ZDHHC11: variants seen among roughly 807,000 people sequenced by gnomAD.
ZDHHC11 encodes zDHHC palmitoyltransferase 11.
A neutral mutation model predicts 51.3 loss-of-function variants in ZDHHC11; 44 were observed. That is an observed-to-expected ratio of 0.86 (90% CI 0.67 to 1.10). The LOEUF is 1.10. Ranked by LOEUF, ZDHHC11 falls within the 50% of genes least tolerant of loss-of-function variation. ZDHHC11 has a pLI of 0.00. For synonymous variants in ZDHHC11, 163 were observed against 222.0 expected, an observed-to-expected ratio of 0.73 and a Z score of 2.36; for missense variants, 400 against 537.7, an observed-to-expected ratio of 0.74 and a Z score of 2.53.
intron 4 of ZDHHC11, chr5:842,077 G>A (rs1421739392): frequency 2.0e-6 from 2 of 986,514 alleles, no homozygotes; most frequent in African/African-American, 1.7e-5. Context: ...TGGTTTTGAA[G>A]CCCTGCAGAA....
intron 10 of ZDHHC11, chr5:816,369 G>A (rs982805870): frequency 9.8e-5 from 38 of 387,204 alleles, no homozygotes; most frequent in Admixed American, 6.0e-4. Context: ...CTGCACGGGC[G>A]GGAGGGGGGC....
chr5:814,883 G>C (rs1740574342), intron 10 of ZDHHC11, 88 bp from the exon 11 acceptor site: 7 of 1,303,850 alleles, frequency 5.4e-6, no homozygotes, highest in East Asian at 2.6e-5. Flanking sequence ...TTCATTACTA[G>C]TCAGTTCTGA....
chr5:854,823 C>A (rs1286935617), upstream of ZDHHC11, among the ~76,000 whole-genome samples: 2 of 127,142 alleles, frequency 1.6e-5, no homozygotes, highest in African/African-American at 3.1e-5. Context: ...CAGAGGACAG[C>A]GAGCCGGGGG....
Position 850,510 on chromosome 5 carries a change from C to T in ZDHHC11, c.93G>A (p.Val31=). The T allele has an allele frequency of 6.2e-7, 1 of 1,613,760 alleles. No homozygotes were observed. The highest frequency in any genetic ancestry group is 8.5e-7 in the Non-Finnish European group (1 of 1,180,032). ...AGTGCAGGGGTAACGACCAGCCGTT[C>T]ACTCTGGAGATGCGGGGCGGCAAGA... ...KLVLPPRISR[V]NGWSLPLHYF... is the part of the protein sequence containing the mutation. The change falls in exon 1 of 13, where the codon GTG becomes GTA. Residue 31 remains valine, a synonymous_variant. Coordinates refer to ENST00000283441, the MANE Select transcript of ZDHHC11 (RefSeq NM_024786.3).
chr5:816,397 TG>T (rs1740801993), intron 10 of ZDHHC11: 1 of 350,466 alleles, frequency 2.9e-6, no homozygotes, highest in South Asian at 2.0e-5. Context: ...CAGGCGGTGG[TG>T]GGGTTGGCGG....
chr5:850,892 C>A lies in ZDHHC11; in HGVS notation c.-290G>T, dbSNP rs902058276. 4.4e-6 allele frequency: 2 copies of A among 456,682 alleles called. No homozygotes were observed. Among genetic ancestry groups the A allele is most frequent in the Non-Finnish European group, 7.4e-6 (2 of 272,036 alleles). 28.3% of individuals were successfully genotyped at this position (456,682 alleles called of 1,614,324 possible). A position where few individuals can be genotyped will look rare whatever the true frequency, so the allele number is the denominator to read the frequency against. ...CTCCAGGGTGTGGAGGACCCAGTGC[C>A]CGCGCGACCGCCCATCAGTTCCCCT... On this transcript the variant is annotated 5_prime_UTR_variant, in exon 1 of 13. Coordinates refer to ENST00000283441, the MANE Select transcript of ZDHHC11 (RefSeq NM_024786.3).
intron 9 of ZDHHC11, among the ~76,000 whole-genome samples, chr5:820,025 C>G (rs1741365496): frequency 6.6e-6 from 1 of 151,286 alleles, no homozygotes; most frequent in Admixed American, 6.6e-5. Context: ...TCATTTTTAC[C>G]TGGAAATCCT....
In ZDHHC11 at chr5:825,243, G is replaced by A. The variant is rs763122947; in HGVS notation, c.944C>T (p.Ala315Val). The A allele has an allele frequency of 6.8e-6, 11 of 1,612,574 alleles. No homozygotes were observed. In the Admixed American group the frequency reaches 1.7e-4, roughly 24 times the overall value. The change falls in exon 8 of 13, where the codon GCC becomes GTC. Residue 315 changes from alanine (A) to valine (V), a missense_variant. By Grantham distance (64) the Ala-to-Val change is moderately conservative. Coordinates refer to ENST00000283441, the MANE Select transcript of ZDHHC11 (RefSeq NM_024786.3). ...ALGSSAQGVK[A>V]KSSLLIHKHL... ...CTTGTGAATCAGCAGGGAGCTCTTG[G>A]CTTTGACTCTGGTGGGACAGAAAGG... is the stretch of plus-strand genomic sequence containing the variant.
intron 1 of ZDHHC11, among the ~76,000 whole-genome samples, chr5:856,127 G>A (rs573950095): frequency 7.6e-4 from 116 of 152,132 alleles, no homozygotes; most frequent in African/African-American, 2.7e-3. Context: ...CTGTAAGCAC[G>A]TTCATATACC....
In ZDHHC11 at chr5:850,897, C is replaced by T. The variant is rs183785688; in HGVS notation, c.-295G>A. 9.6e-5 allele frequency: 43 copies of T among 447,206 alleles called. No individual in the cohort carries two copies. Among genetic ancestry groups the T allele is most frequent in the East Asian group, 3.4e-4 (10 of 29,200 alleles). 27.7% of individuals were successfully genotyped at this position (447,206 alleles called of 1,614,324 possible). On this transcript the variant is annotated 5_prime_UTR_variant, in exon 1 of 13. Coordinates refer to ENST00000283441, the MANE Select transcript of ZDHHC11 (RefSeq NM_024786.3). Reference sequence around the variant, plus strand: ...GGGTGTGGAGGACCCAGTGCCCGCGCGACCGCCCATCAGTTCCCCTGAGGA... The same window carrying T: ...GGGTGTGGAGGACCCAGTGCCCGCGTGACCGCCCATCAGTTCCCCTGAGGA...
At chr5:803,984 C>T (rs1028325572) in intron 11 of ZDHHC11, among the ~76,000 whole-genome samples, 2 of 149,024 alleles carry the variant, frequency 1.3e-5, no homozygotes, top group African/African-American at 4.9e-5. Context: ...GGAAGATGAA[C>T]AGAGCTTGAA....
At chr5:802,363 A>T (rs1225539742) in intron 11 of ZDHHC11, among the ~76,000 whole-genome samples, 12 of 151,414 alleles carry the variant, frequency 7.9e-5, no homozygotes, top group Non-Finnish European at 1.0e-4. Context: ...TCCAAAAATT[A>T]CTGAGAATAA....
chr5:844,221 C>G (rs1484577432), intron 3 of ZDHHC11, among the ~76,000 whole-genome samples: 2 of 152,282 alleles, frequency 1.3e-5, no homozygotes, highest in Non-Finnish European at 2.9e-5. Flanking sequence ...GTCTCCAGGC[C>G]TCTCGCTGGA....
At chr5:801,294 T>G in intron 11 of ZDHHC11, 130 bp from the exon 12 acceptor site, 1 of 1,126,654 alleles carries the variant, frequency 8.9e-7, no homozygotes, top group Non-Finnish European at 1.3e-6. Context: ...GGCAATCACT[T>G]CACCTCTCTG....
intron 7 of ZDHHC11, among the ~76,000 whole-genome samples, chr5:831,657 A>G (rs573861919): frequency 6.1e-5 from 9 of 148,670 alleles, no homozygotes; most frequent in Non-Finnish European, 7.5e-5. Context: ...ACAGTTCTCA[A>G]CAGAAGATAT....
chr5:837,312 A>G, intron 6 of ZDHHC11, 53 bp downstream of exon 6: 1 of 1,604,090 alleles, frequency 6.2e-7, no homozygotes, highest in Non-Finnish European at 8.5e-7. Flanking sequence ...CCACCGAGTG[A>G]CCTTAGACAT....
At chr5:796,954 T>C (rs1158346137) in intron 12 of ZDHHC11, among the ~76,000 whole-genome samples, 175 of 148,480 alleles carry the variant, frequency 1.2e-3, no homozygotes, top group African/African-American at 4.4e-3. Context: ...ACACCTGTAA[T>C]CCCAGCACTT....
At chr5:831,039 T>C (rs1743009025) in intron 7 of ZDHHC11, among the ~76,000 whole-genome samples, 1 of 150,012 alleles carries the variant, frequency 6.7e-6, no homozygotes, top group Non-Finnish European at 1.5e-5. Context: ...AGAAAAACTT[T>C]TGTAGGCATT....
intron 11 of ZDHHC11, among the ~76,000 whole-genome samples, chr5:807,175 C>T (rs1390292425): frequency 6.6e-6 from 1 of 150,698 alleles, no homozygotes; most frequent in East Asian, 1.9e-4. Flanking sequence ...ATGGACAGAC[C>T]TTGGCAATTT....
Sources: allele counts gnomAD v4.1 joint callset (sites outside exome capture counted in the v4.1 genomes callset), GRCh38; gene constraint gnomAD v4.1.1; transcripts MANE v1.5; gene names NCBI Gene and HGNC (gene_info 2026-07-23, HGNC 2026-07-21).